Variants in ARHGAP15 observed in about 807,000 individuals in gnomAD.
ARHGAP15 encodes the protein Rho GTPase activating protein 15.
Under a neutral mutation model 63.7 loss-of-function variants are expected in ARHGAP15, and 51 were observed. That is an observed-to-expected ratio of 0.80 (90% CI 0.64 to 1.01). The LOEUF (loss-of-function observed/expected upper bound fraction) is 1.01, where lower values mean the gene tolerates loss of function less well. Ranked by LOEUF, ARHGAP15 falls within the 50% of genes least tolerant of loss-of-function variation. The pLI is 0.00. For missense variants in ARHGAP15, 560 were observed against 564.6 expected (o/e 0.99, Z 0.08); for synonymous variants, 191 against 193.8 (o/e 0.99, Z 0.12).
chr2:143,275,277 A>C (rs1344988298), intron 6 of ARHGAP15, among the ~76,000 whole-genome samples: 1 of 152,310 alleles, frequency 6.6e-6, no homozygotes, highest in Non-Finnish European at 1.5e-5. Flanking sequence ...ACCTTGGCAG[A>C]GAGTAGCTAC....
At chr2:143,138,309 C>T (rs9917392) in intron 1 of ARHGAP15, among the ~76,000 whole-genome samples, 53,310 of 151,828 alleles carry the variant, frequency 0.35, 10,813 homozygotes, top group East Asian at 0.64. Flanking sequence ...TACAAAGCTT[C>T]TCGGTAGGCT....
rs1484243196 is a variant in ARHGAP15 at position 143,756,876 on chromosome 2, C to T, written c.1245-11113C>T. On this transcript the variant is annotated intron_variant, in intron 13 of 13. Transcript: ENST00000295095. ...TATGTCACCCAAGACTTCTTGTTGA[C>T]TCTGACTCACTTTTTTCCCAAGTCT... 2.0e-5 allele frequency among the ~76,000 whole-genome samples: 3 copies of T among 152,300 alleles called. No homozygotes were observed. In the East Asian group the frequency reaches 5.8e-4, roughly 29 times the overall value.
chr2:143,742,891 C>T (rs1161957422), intron 13 of ARHGAP15, among the ~76,000 whole-genome samples: 1 of 152,184 alleles, frequency 6.6e-6, no homozygotes. Flanking sequence ...TATTCTCCTT[C>T]ACAGACTTTT....
intron 12 of ARHGAP15, among the ~76,000 whole-genome samples, chr2:143,642,658 G>T (rs1437451669): frequency 2.6e-5 from 4 of 152,098 alleles, no homozygotes; most frequent in Non-Finnish European, 4.4e-5. Context: ...AACTAGAGAA[G>T]AACATGTGAG....
In ARHGAP15 at chr2:143,263,907, C is replaced by CTTTTTTTTTT. The variant is rs373296096; in HGVS notation, c.474+13334_474+13343dup. On this transcript the variant is annotated intron_variant, in intron 6 of 13. Transcript: ENST00000295095. ...GGTGGGTCTACGGTGAAGCTGCAGT[C>CTTTTTTTTTT]TTTTTTTTTTTTTTTTTTTTTTTTT... 4.2e-4 allele frequency among the ~76,000 whole-genome samples: 16 copies of CTTTTTTTTTT among 38,448 alleles called. 4 individuals carry two copies. Among genetic ancestry groups the CTTTTTTTTTT allele is most frequent in the East Asian group, 2.9e-3 (2 of 688 alleles). 25.2% of individuals were successfully genotyped at this position (38,448 alleles called of 152,430 possible).
chr2:143,719,084 G>T lies in ARHGAP15; in HGVS notation c.1244+15560G>T, dbSNP rs373679407. On this transcript the variant is annotated intron_variant, in intron 13 of 13. Coordinates refer to ENST00000295095, the MANE Select transcript of ARHGAP15 (RefSeq NM_018460.4). ...TTCAAAGAGACAACAAGTAGAACAC[G>T]TTGGGACAGAACCGCTGTAAGGGGT... Among the ~76,000 whole-genome samples, 3 of 152,282 alleles carry T rather than the reference G, an allele frequency of 2.0e-5. No individual in the cohort carries two copies. The East Asian group carries it at 5.8e-4, about 29-fold the overall frequency.
chr2:143,336,499 A>G (rs1684780966), intron 6 of ARHGAP15, among the ~76,000 whole-genome samples: 1 of 152,144 alleles, frequency 6.6e-6, no homozygotes. Flanking sequence ...TAATTATTAG[A>G]TGGTTTTATT....
At chr2:143,271,599 C>T (rs1681284774) in intron 6 of ARHGAP15, among the ~76,000 whole-genome samples, 1 of 152,210 alleles carries the variant, frequency 6.6e-6, no homozygotes, top group African/African-American at 2.4e-5. Context: ...CCTCAGCCTC[C>T]GGAGTAGCTG....
intron 6 of ARHGAP15, among the ~76,000 whole-genome samples, chr2:143,370,882 T>C (rs931598771): frequency 6.6e-6 from 1 of 152,212 alleles, no homozygotes; most frequent in Admixed American, 6.5e-5. Context: ...TTAGTTTTTT[T>C]CCATGTTTCA....
intron 8 of ARHGAP15, among the ~76,000 whole-genome samples, chr2:143,474,009 T>C (rs1691699975): frequency 6.6e-6 from 1 of 152,072 alleles, no homozygotes; most frequent in Admixed American, 6.6e-5. Flanking sequence ...TTCAGAGGGG[T>C]TGGAATTTGG....
intron 6 of ARHGAP15, among the ~76,000 whole-genome samples, chr2:143,251,135 G>T (rs1049091769): frequency 2.0e-5 from 3 of 151,946 alleles, no homozygotes; most frequent in Non-Finnish European, 2.9e-5. Flanking sequence ...CGATTGAATG[G>T]CAAGAACCAG....
rs1574811256 is a variant in ARHGAP15 at position 143,668,499 on chromosome 2, T to C, written c.1139-34920T>C. ...ATGCAGATCCAGCTGAAAATACAAA[T>C]GAGAGACTAGCATTCCTTTCTAAAA... On this transcript the variant is annotated intron_variant, in intron 12 of 13. Transcript: ENST00000295095. 2.0e-5 allele frequency among the ~76,000 whole-genome samples: 3 copies of C among 152,200 alleles called. No individual in the cohort carries two copies. The South Asian group carries it at 6.2e-4, about 32-fold the overall frequency.
rs77305541 is a variant in ARHGAP15 at position 143,363,264 on chromosome 2, G to C, written c.475-72337G>C. 2.2e-3 allele frequency among the ~76,000 whole-genome samples: 338 copies of C among 152,234 alleles called. 2 individuals carry two copies. The highest frequency in any genetic ancestry group is 7.7e-3 in the African/African-American group (321 of 41,532). ...CTTCTGTCTAGAAAACTCTTGCCCA[G>C]GTGGGGTGGCTTATGCCTCTAATCC... On this transcript the variant is annotated intron_variant, in intron 6 of 13. Transcript: ENST00000295095.
intron 8 of ARHGAP15, among the ~76,000 whole-genome samples, chr2:143,440,542 T>C (rs2105103787): frequency 6.6e-6 from 1 of 152,298 alleles, no homozygotes; most frequent in East Asian, 1.9e-4. Context: ...CATGTGAACA[T>C]CATTAGCAGC....
chr2:143,556,324 A>T, intron 10 of ARHGAP15, 84 bp from the exon 11 acceptor site: 1 of 1,050,304 alleles, frequency 9.5e-7, no homozygotes, highest in Non-Finnish European at 1.4e-6. Context: ...TAGATATTTG[A>T]TTTACTCCTT....
intron 6 of ARHGAP15, among the ~76,000 whole-genome samples, chr2:143,423,631 C>T (rs935425580): frequency 1.3e-5 from 2 of 152,070 alleles, no homozygotes; most frequent in Non-Finnish European, 1.5e-5. Context: ...AAGGACTTTC[C>T]GGAATAGGCA....
At chr2:143,630,175 AGAGT>A (rs1699006793) in intron 12 of ARHGAP15, among the ~76,000 whole-genome samples, 1 of 152,128 alleles carries the variant, frequency 6.6e-6, no homozygotes, top group Non-Finnish European at 1.5e-5. Context: ...GAACTTTCCA[AGAGT>A]GAGTGAGATT....
At chr2:143,450,718 A>C (rs1690369099) in intron 8 of ARHGAP15, among the ~76,000 whole-genome samples, 1 of 152,008 alleles carries the variant, frequency 6.6e-6, no homozygotes, top group Non-Finnish European at 1.5e-5. Context: ...AGATTAGGAA[A>C]AAAAGAAGAA....
rs557588987 is a variant in ARHGAP15, at chr2:143,554,634, GA to G, written c.926-1767del. On this transcript the variant is annotated intron_variant, in intron 10 of 13. Coordinates refer to ENST00000295095, the MANE Select transcript of ARHGAP15 (RefSeq NM_018460.4). ...TACCAAACAGCATCTAATGACAAAGGAAAAAAAGAAAATGATAAGTTTTTTG... is the reference window on the plus strand; with the variant it reads ...TACCAAACAGCATCTAATGACAAAGGAAAAAAGAAAATGATAAGTTTTTTG... Among the ~76,000 whole-genome samples, 128 of 151,658 alleles carry G rather than the reference GA, an allele frequency of 8.4e-4. 1 individual carries two copies. The highest frequency in any genetic ancestry group is 2.0e-3 in the Admixed American group (30 of 15,220).
Sources: allele counts gnomAD v4.1 joint callset (sites outside exome capture counted in the v4.1 genomes callset), GRCh38; gene constraint gnomAD v4.1.1; transcripts MANE v1.5; gene names NCBI Gene and HGNC (gene_info 2026-07-23, HGNC 2026-07-21).